The following LRRTM3 variants were observed in gnomAD, a reference collection of about 807,000 sequenced individuals.
The protein encoded by LRRTM3 is leucine-rich repeat transmembrane neuronal protein 3.
LRRTM3 carries 24 observed loss-of-function variants against 44.7 expected under a neutral mutation model. The observed-to-expected ratio is 0.54, with a 90% CI of 0.39 to 0.76. The LOEUF (loss-of-function observed/expected upper bound fraction) is 0.76. Among genes scored for constraint, LRRTM3 ranks in the 30% least tolerant of loss-of-function variants. The probability of loss-of-function intolerance (pLI) is 0.00; values close to 1 mark genes in which losing one functional copy is unlikely to be tolerated. For missense variants in LRRTM3, 587 were observed against 702.2 expected (o/e 0.84, Z 1.85); for synonymous variants, 277 against 278.7 (o/e 0.99, Z 0.06).
intron 2 of LRRTM3, among the ~76,000 whole-genome samples, chr10:66,975,184 T>A (rs1307668956): frequency 6.6e-6 from 1 of 152,214 alleles, no homozygotes; most frequent in Non-Finnish European, 1.5e-5. Flanking sequence ...CTGCAATTGA[T>A]AGCTAGCTCA....
In LRRTM3 at chr10:66,985,564, G is replaced by T. The variant is rs1030759466; in HGVS notation, c.1536+57112G>T. ...GGTCAAACACAACCAGAGGCCAGAA[G>T]TAAGGCAGACCAACGACAGAGTCCA... On this transcript the variant is annotated intron_variant, in intron 2 of 2. Coordinates refer to ENST00000361320, the MANE Select transcript of LRRTM3 (RefSeq NM_178011.5). Among the ~76,000 whole-genome samples, 3 of 152,114 alleles carry T rather than the reference G, an allele frequency of 2.0e-5. No individual in the cohort carries two copies. In the East Asian group the frequency reaches 5.8e-4, roughly 29 times the overall value.
At chr10:67,003,866 A>G (rs1851817992) in intron 2 of LRRTM3, among the ~76,000 whole-genome samples, 1 of 152,198 alleles carries the variant, frequency 6.6e-6, no homozygotes. Context: ...GCAATGCATC[A>G]GCCAAAGTGC....
chr10:66,946,586 A>G (rs1848286712), intron 2 of LRRTM3, among the ~76,000 whole-genome samples: 1 of 152,110 alleles, frequency 6.6e-6, no homozygotes, highest in Non-Finnish European at 1.5e-5. Context: ...TACCTGTAAC[A>G]GCATAGGGTA....
At position 67,074,514 on chromosome 10, in the gene LRRTM3, C is replaced by G. The variant is rs181251048; in HGVS notation, c.1537-23073C>G. ...TACAGGCGCCCACCACCACGCCCGGCTAATTTTCTGTATTTTTAGTAGAGA... is the reference window on the plus strand; with the variant it reads ...TACAGGCGCCCACCACCACGCCCGGGTAATTTTCTGTATTTTTAGTAGAGA... On this transcript the variant is annotated intron_variant, in intron 2 of 2. Transcript: ENST00000361320. Among the ~76,000 whole-genome samples the G allele has an allele frequency of 1.9e-3, 291 of 151,862 alleles. 1 individual carries two copies. Among genetic ancestry groups the G allele is most frequent in the African/African-American group, 6.9e-3 (286 of 41,410 alleles).
At chr10:66,977,838 C>G (rs1451271529) in intron 2 of LRRTM3, among the ~76,000 whole-genome samples, 2 of 152,062 alleles carry the variant, frequency 1.3e-5, no homozygotes, top group Non-Finnish European at 2.9e-5. Flanking sequence ...GCTTTATAGC[C>G]TCCTATATGT....
chr10:67,001,567 TTATAA>T (rs1410425088), intron 2 of LRRTM3, among the ~76,000 whole-genome samples: 6 of 152,052 alleles, frequency 3.9e-5, no homozygotes, highest in Non-Finnish European at 7.4e-5. Flanking sequence ...TTAAAAAACC[TTATAA>T]TATATCATTA....
intron 2 of LRRTM3, among the ~76,000 whole-genome samples, chr10:67,043,792 A>G (rs1279587869): frequency 6.6e-6 from 1 of 152,132 alleles, no homozygotes; most frequent in Non-Finnish European, 1.5e-5. Context: ...GGTTTTATGC[A>G]CAGCAACTCA....
At chr10:67,053,190 C>A (rs928725648) in intron 2 of LRRTM3, among the ~76,000 whole-genome samples, 2 of 152,098 alleles carry the variant, frequency 1.3e-5, no homozygotes, top group Admixed American at 6.5e-5. Context: ...GTTTGGTCAA[C>A]CTTCACACAA....
At chr10:66,957,505 T>C (rs1421343880) in intron 2 of LRRTM3, among the ~76,000 whole-genome samples, 3 of 150,078 alleles carry the variant, frequency 2.0e-5, no homozygotes, top group Non-Finnish European at 4.4e-5. Context: ...AGTTTTCTTG[T>C]ACTCTTGGGC....
intron 2 of LRRTM3, among the ~76,000 whole-genome samples, chr10:67,010,541 A>G (rs934195104): frequency 6.6e-6 from 1 of 152,202 alleles, no homozygotes; most frequent in Non-Finnish European, 1.5e-5. Flanking sequence ...GCTCAAGGCA[A>G]GAAGAAGAGT....
chr10:66,936,193 C>G (rs552746950), intron 2 of LRRTM3, among the ~76,000 whole-genome samples: 1 of 152,224 alleles, frequency 6.6e-6, no homozygotes, highest in Admixed American at 6.5e-5. Context: ...CTAACACACA[C>G]AGATGTGTGG....
chr10:66,932,425 C>T (rs968294470), intron 2 of LRRTM3, among the ~76,000 whole-genome samples: 3 of 152,086 alleles, frequency 2.0e-5, no homozygotes, highest in African/African-American at 7.2e-5. Context: ...AAGTAAGAAT[C>T]GAGCCATGAG....
At chr10:66,934,448 A>C (rs1468512575) in intron 2 of LRRTM3, among the ~76,000 whole-genome samples, 2 of 152,142 alleles carry the variant, frequency 1.3e-5, no homozygotes, top group African/African-American at 4.8e-5. Context: ...ATTATCTCCA[A>C]AAGAAAAGTT....
chr10:66,942,548 G>GTC (rs67598003), intron 2 of LRRTM3, among the ~76,000 whole-genome samples: 2,023 of 148,096 alleles, frequency 0.014, 18 homozygotes, highest in African/African-American at 0.028. Flanking sequence ...TTGCCATAAT[G>GTC]TCTCTCTCTC....
intron 2 of LRRTM3, chr10:67,013,109 T>C (rs1381150898): frequency 6.6e-6 from 1 of 152,152 alleles, no homozygotes; most frequent in Non-Finnish European, 1.5e-5. Context: ...TCATCTTTCA[T>C]TTTCTACATG....
intron 2 of LRRTM3, among the ~76,000 whole-genome samples, chr10:66,938,874 G>A (rs1847856668): frequency 6.6e-6 from 1 of 152,128 alleles, no homozygotes; most frequent in Non-Finnish European, 1.5e-5. Flanking sequence ...CTTCATTTTT[G>A]TAGAGGCTAG....
At chr10:67,012,029 G>A (rs80049472) in intron 2 of LRRTM3, among the ~76,000 whole-genome samples, 12,636 of 152,164 alleles carry the variant, frequency 0.083, 766 homozygotes, top group South Asian at 0.27. Flanking sequence ...AATATATGAG[G>A]AAACAGAAAC....
chr10:67,095,755 C>T (rs1857952459), intron 2 of LRRTM3, among the ~76,000 whole-genome samples: 3 of 151,778 alleles, frequency 2.0e-5, no homozygotes, highest in African/African-American at 4.8e-5. Flanking sequence ...ACCCATAACA[C>T]ATTACAGAGC....
intron 2 of LRRTM3, among the ~76,000 whole-genome samples, chr10:67,023,687 G>A (rs73326985): frequency 0.01 from 1,588 of 152,196 alleles, 26 homozygotes; most frequent in African/African-American, 0.034. Context: ...AATATGTATC[G>A]ATCTATTTCA....
Sources: gnomAD v4.1 joint callset for allele counts (sites outside exome capture counted in the v4.1 genomes callset) on GRCh38, gnomAD v4.1.1 for gene constraint, MANE v1.5 for transcripts, NCBI Gene and HGNC (gene_info 2026-07-23, HGNC 2026-07-21) for gene names.